Variants in SFRP1 observed in about 807,000 individuals in gnomAD.
SFRP1 encodes secreted frizzled related protein 1, also known as secreted frizzled-related protein 1.
In SFRP1, 9 loss-of-function variants were observed where a neutral mutation model predicts 25.9. That is an observed-to-expected ratio of 0.35 (90% confidence interval 0.21 to 0.61). The LOEUF (loss-of-function observed/expected upper bound fraction) is 0.61, where lower values mean the gene tolerates loss of function less well. Ranked by LOEUF, SFRP1 falls within the 20% of genes least tolerant of loss-of-function variation. The pLI is 0.78. For synonymous variants in SFRP1, 178 were observed against 174.0 expected (o/e 1.02, Z -0.18); for missense variants, 346 against 418.2 (o/e 0.83, Z 1.51).
At chr8:41,274,324 G>A (rs138140389) in intron 2 of SFRP1, among the ~76,000 whole-genome samples, 60 of 152,340 alleles carry the variant, frequency 3.9e-4, no homozygotes, top group African/African-American at 1.4e-3. Context: ...CTGCCAGAAA[G>A]CTTGGGGCTG....
At position 41,308,844 on chromosome 8, in the gene SFRP1, G is replaced by C. The variant is rs1585525327; in HGVS notation, c.316C>G (p.His106Asp). 6.2e-7 allele frequency: 1 copy of C among 1,610,216 alleles called. No homozygotes were observed. The highest frequency in any genetic ancestry group is 8.5e-7 in the Non-Finnish European group (1 of 1,179,482). The change falls in exon 1 of 3, where the codon CAC (histidine) becomes GAC (aspartate). Residue 106 changes from histidine to aspartate, a missense_variant. His to Asp is a moderately conservative substitution (Grantham distance 81). Transcript: ENST00000220772. ...SWVPLLNKNCHAGTQVFLCSL... is the reference protein window; with the variant it reads ...SWVPLLNKNCDAGTQVFLCSL... ...CAGAGGAAGACCTGGGTGCCGGCGT[G>C]GCAGTTCTTGTTGAGCAGGGGCACC...
chr8:41,280,865 C>T (rs543377876), intron 2 of SFRP1, among the ~76,000 whole-genome samples: 34 of 152,304 alleles, frequency 2.2e-4, no homozygotes, highest in African/African-American at 7.7e-4. Context: ...GGAGCGCCTG[C>T]CCCAACTCCC....
At position 41,263,669 on chromosome 8, in the gene SFRP1, T is replaced by C. The variant is rs1803400627; in HGVS notation, c.*1498A>G. ...ATGCATTTTTTTTAGAACTACTTCC[T>C]GTACATTGGACAAGAAGGGTAAAGT... On this transcript the variant is annotated 3_prime_UTR_variant, in exon 3 of 3. Transcript: ENST00000220772. 1 of 152,220 alleles carries C rather than the reference T, an allele frequency of 6.6e-6. No homozygotes were observed. Among genetic ancestry groups the C allele is most frequent in the African/African-American group, 2.4e-5 (1 of 41,452 alleles). The allele number at this position is 152,220 out of a possible 1,614,324, so 9.4% of individuals were successfully genotyped here.
chr8:41,302,801 C>G (rs1803941011), intron 2 of SFRP1, among the ~76,000 whole-genome samples: 1 of 152,130 alleles, frequency 6.6e-6, no homozygotes, highest in Non-Finnish European at 1.5e-5. Flanking sequence ...CCCCTGGCCC[C>G]CACCAGCTCC....
chr8:41,293,346 G>C (rs1803801079), intron 2 of SFRP1, among the ~76,000 whole-genome samples: 1 of 152,252 alleles, frequency 6.6e-6, no homozygotes, highest in Admixed American at 6.5e-5. Context: ...TGCAGCCTTT[G>C]AGTCCCCACG....
rs976523801 is a variant in SFRP1, at chr8:41,309,376, G to C, written c.-217C>G. On this transcript the variant is annotated 5_prime_UTR_variant, in exon 1 of 3. Coordinates refer to ENST00000220772, the MANE Select transcript of SFRP1 (RefSeq NM_003012.5). ...CGCGGGCGGGGAGGCGGCGCTGCGGGCTGGGTGCGCCCCGGCTCCCGGAGG... is the reference window on the plus strand; with the variant it reads ...CGCGGGCGGGGAGGCGGCGCTGCGGCCTGGGTGCGCCCCGGCTCCCGGAGG... The C allele has an allele frequency of 1.4e-5, 4 of 292,854 alleles. No homozygotes were observed. Among genetic ancestry groups the C allele is most frequent in the Admixed American group, 5.8e-5 (1 of 17,212 alleles). 18.1% of individuals were successfully genotyped at this position (292,854 alleles called of 1,614,324 possible). A position where few individuals can be genotyped will look rare whatever the true frequency, so the allele number is the denominator to read the frequency against.
intron 1 of SFRP1, among the ~76,000 whole-genome samples, chr8:41,307,929 G>C (rs1049967145): frequency 1.9e-4 from 29 of 152,142 alleles, no homozygotes; most frequent in African/African-American, 2.4e-5. Context: ...CAGGGGGTAC[G>C]CTAGAGGGAG....
At chr8:41,286,237 A>G (rs572096468) in intron 2 of SFRP1, among the ~76,000 whole-genome samples, 1 of 152,294 alleles carries the variant, frequency 6.6e-6, no homozygotes, top group Admixed American at 6.5e-5. Context: ...GCCAGGAGAT[A>G]CATTAAGTCT....
intron 2 of SFRP1, among the ~76,000 whole-genome samples, chr8:41,299,866 G>C (rs886090785): frequency 1.3e-5 from 2 of 151,964 alleles, no homozygotes; most frequent in Non-Finnish European, 2.9e-5. Flanking sequence ...TTTTTTTATT[G>C]TTTTTTGTTT....
Position 41,267,556 on chromosome 8 carries a change from C to T in SFRP1, c.623-2067G>A, listed in dbSNP as rs116849032. Among the ~76,000 whole-genome samples, 13 of 152,306 alleles carry T rather than the reference C, an allele frequency of 8.5e-5. No homozygotes were observed. The East Asian group carries it at 2.5e-3, about 29-fold the overall frequency. On this transcript the variant is annotated intron_variant, in intron 2 of 2. Coordinates refer to ENST00000220772, the MANE Select transcript of SFRP1 (RefSeq NM_003012.5). Reference sequence around the variant, plus strand: ...GATGCAAGGCTTCCACCCACACACCCTGAGGAAAGTCTTTAACCTGAACTA... The same window carrying T: ...GATGCAAGGCTTCCACCCACACACCTTGAGGAAAGTCTTTAACCTGAACTA...
chr8:41,305,273 T>C (rs1490271823), intron 1 of SFRP1, among the ~76,000 whole-genome samples: 1 of 152,172 alleles, frequency 6.6e-6, no homozygotes, highest in Non-Finnish European at 1.5e-5. Context: ...AAAGGGCACA[T>C]CTCTGCCCGC....
At chr8:41,302,703 G>C (rs1275583653) in intron 2 of SFRP1, among the ~76,000 whole-genome samples, 1 of 152,174 alleles carries the variant, frequency 6.6e-6, no homozygotes. Context: ...GAGACTCTCA[G>C]GGTGTGGTGA....
chr8:41,287,252 G>A (rs1034815122), intron 2 of SFRP1, among the ~76,000 whole-genome samples: 2 of 152,226 alleles, frequency 1.3e-5, no homozygotes, highest in African/African-American at 4.8e-5. Flanking sequence ...GGGTTATATA[G>A]GGAAGAGAAT....
intron 2 of SFRP1, among the ~76,000 whole-genome samples, chr8:41,269,202 G>C (rs888987046): frequency 1.3e-5 from 2 of 152,150 alleles, no homozygotes; most frequent in Admixed American, 6.5e-5. Context: ...CTTGGACCCT[G>C]GATCTCAGCT....
At chr8:41,278,709 T>C (rs1412172639) in intron 2 of SFRP1, among the ~76,000 whole-genome samples, 1 of 152,126 alleles carries the variant, frequency 6.6e-6, no homozygotes, top group Non-Finnish European at 1.5e-5. Context: ...CACAAAGTTG[T>C]CTAAGCTCAA....
chr8:41,266,800 C>T (rs553532860), intron 2 of SFRP1, among the ~76,000 whole-genome samples: 1 of 152,294 alleles, frequency 6.6e-6, no homozygotes, highest in African/African-American at 2.4e-5. Flanking sequence ...GAAAGACCTA[C>T]AATTCCTTGA....
intron 2 of SFRP1, among the ~76,000 whole-genome samples, chr8:41,301,887 TG>T (rs1422781831): frequency 6.6e-6 from 1 of 152,188 alleles, no homozygotes; most frequent in East Asian, 1.9e-4. Context: ...CCTGCTGCCG[TG>T]GGAAGAAGAT....
intron 2 of SFRP1, among the ~76,000 whole-genome samples, chr8:41,288,350 C>G (rs1254003584): frequency 6.6e-6 from 1 of 151,516 alleles, no homozygotes; most frequent in Non-Finnish European, 1.5e-5. Flanking sequence ...GAGACTCCAT[C>G]TCCAAAAAAA....
At chr8:41,298,996 T>A (rs778353906) in intron 2 of SFRP1, among the ~76,000 whole-genome samples, 2 of 151,922 alleles carry the variant, frequency 1.3e-5, no homozygotes, top group Non-Finnish European at 2.9e-5. Flanking sequence ...CTTATGAGAG[T>A]CTATAGTCAT....
Sources: gnomAD v4.1 joint callset for allele counts (sites outside exome capture counted in the v4.1 genomes callset) on GRCh38, gnomAD v4.1.1 for gene constraint, MANE v1.5 for transcripts, NCBI Gene and HGNC (gene_info 2026-07-23, HGNC 2026-07-21) for gene names.